NEGR1: variants seen among roughly 807,000 people sequenced by gnomAD.
NEGR1 encodes the protein IgLON family member 4.
A neutral mutation model predicts 40.9 loss-of-function variants in NEGR1; 10 were observed. The observed-to-expected ratio is 0.24, with a 90% confidence interval of 0.15 to 0.42. The LOEUF (loss-of-function observed/expected upper bound fraction) is 0.42. Among genes scored for constraint, NEGR1 ranks in the 10% least tolerant of loss-of-function variants. The pLI, the probability that NEGR1 is intolerant of heterozygous loss-of-function variation, is 1.00. For missense variants in NEGR1, 352 were observed against 438.9 expected, an observed-to-expected ratio of 0.80 and a Z score of 1.77; for synonymous variants, 185 against 166.8, an observed-to-expected ratio of 1.11 and a Z score of -0.84.
chr1:71,974,891 G>A (rs532605193), intron 1 of NEGR1, among the ~76,000 whole-genome samples: 7 of 152,074 alleles, frequency 4.6e-5, no homozygotes, highest in Non-Finnish European at 5.9e-5. Context: ...TAACTAACTC[G>A]AGAATAGCAC....
intron 2 of NEGR1, among the ~76,000 whole-genome samples, chr1:71,822,132 T>G (rs565334962): frequency 6.6e-6 from 1 of 151,920 alleles, no homozygotes; most frequent in Non-Finnish European, 1.5e-5. Context: ...GAGTGAGGGC[T>G]TTAGGCAGTG....
chr1:72,165,943 G>C (rs374360881), intron 1 of NEGR1, among the ~76,000 whole-genome samples: 15 of 152,062 alleles, frequency 9.9e-5, no homozygotes, highest in African/African-American at 3.6e-4. Flanking sequence ...GTCTGTCTTA[G>C]AACTCTTTGG....
At chr1:72,265,797 T>G (rs1553155090) in intron 1 of NEGR1, among the ~76,000 whole-genome samples, 2 of 150,864 alleles carry the variant, frequency 1.3e-5, no homozygotes, top group Admixed American at 1.3e-4. Flanking sequence ...ACTGTCATCA[T>G]TATCATAACA....
At chr1:71,529,278 A>G (rs2101441519) in intron 6 of NEGR1, among the ~76,000 whole-genome samples, 1 of 151,406 alleles carries the variant, frequency 6.6e-6, no homozygotes, top group East Asian at 1.9e-4. Flanking sequence ...CTAAGTGAAT[A>G]CTGGTAGGAC....
At chr1:71,716,004 C>T (rs559765891) in intron 3 of NEGR1, among the ~76,000 whole-genome samples, 1 of 152,214 alleles carries the variant, frequency 6.6e-6, no homozygotes, top group South Asian at 2.1e-4. Context: ...TAAAGAAATA[C>T]CGAAGACTGG....
chr1:71,662,380 T>C (rs1271553673), intron 4 of NEGR1, among the ~76,000 whole-genome samples: 2 of 152,204 alleles, frequency 1.3e-5, no homozygotes, highest in African/African-American at 2.4e-5. Context: ...TGGTTATGCA[T>C]GGAGAACGGA....
At chr1:72,255,146 A>G (rs1467290312) in intron 1 of NEGR1, among the ~76,000 whole-genome samples, 2 of 151,382 alleles carry the variant, frequency 1.3e-5, no homozygotes, top group African/African-American at 4.9e-5. Context: ...ATGAAAAATG[A>G]ACCTGTGAAC....
intron 6 of NEGR1, among the ~76,000 whole-genome samples, chr1:71,567,629 C>A (rs1283789005): frequency 1.3e-5 from 2 of 152,008 alleles, no homozygotes; most frequent in African/African-American, 4.8e-5. Flanking sequence ...CTGTGTTATT[C>A]ATTCTAGATT....
intron 1 of NEGR1, among the ~76,000 whole-genome samples, chr1:72,279,545 C>T (rs922690200): frequency 2.6e-5 from 4 of 152,140 alleles, no homozygotes; most frequent in Non-Finnish European, 4.4e-5. Flanking sequence ...TTGAGCACTT[C>T]ATTCATGTAT....
chr1:71,521,880 C>A (rs1647159779), intron 6 of NEGR1, among the ~76,000 whole-genome samples: 1 of 151,902 alleles, frequency 6.6e-6, no homozygotes, highest in Non-Finnish European at 1.5e-5. Context: ...ATTCTGCTGG[C>A]TGTGAAAAGC....
chr1:72,126,626 A>G (rs1029668127), intron 1 of NEGR1, among the ~76,000 whole-genome samples: 4 of 152,164 alleles, frequency 2.6e-5, no homozygotes, highest in African/African-American at 9.7e-5. Flanking sequence ...AAATGTTGGT[A>G]GTGTCAAGAA....
intron 6 of NEGR1, among the ~76,000 whole-genome samples, chr1:71,541,423 T>A (rs973477432): frequency 1.3e-5 from 2 of 151,610 alleles, no homozygotes; most frequent in Non-Finnish European, 3.0e-5. Flanking sequence ...AAACAAGTAA[T>A]GAAAAGGCAG....
intron 1 of NEGR1, among the ~76,000 whole-genome samples, chr1:72,161,615 T>C (rs1245546443): frequency 6.6e-6 from 1 of 151,866 alleles, no homozygotes; most frequent in East Asian, 1.9e-4. Context: ...ATTTTACCTA[T>C]CTGTGTTTTG....
At chr1:71,446,196 T>C (rs1646581784) in intron 6 of NEGR1, among the ~76,000 whole-genome samples, 2 of 152,172 alleles carry the variant, frequency 1.3e-5, no homozygotes, top group South Asian at 4.1e-4. Flanking sequence ...TTGCCTCATT[T>C]GAGACGAACT....
At chr1:72,073,435 C>T (rs1386898741) in intron 1 of NEGR1, among the ~76,000 whole-genome samples, 4 of 152,026 alleles carry the variant, frequency 2.6e-5, no homozygotes, top group Non-Finnish European at 2.9e-5. Context: ...TATTATCTCT[C>T]TATGTATCTG....
intron 1 of NEGR1, among the ~76,000 whole-genome samples, chr1:72,133,440 T>C (rs918859026): frequency 3.3e-5 from 5 of 152,042 alleles, no homozygotes; most frequent in Non-Finnish European, 5.9e-5. Flanking sequence ...TAGGAAAAAC[T>C]ATTTTGTTCT....
At chr1:71,955,836 G>A (rs2768394) in intron 1 of NEGR1, among the ~76,000 whole-genome samples, 45,814 of 151,926 alleles carry the variant, frequency 0.3, 7,793 homozygotes, top group African/African-American at 0.47. Flanking sequence ...AAGTTTTCAC[G>A]GACCATTCTG....
At chr1:72,267,272 T>C (rs901989406) in intron 1 of NEGR1, among the ~76,000 whole-genome samples, 1 of 151,114 alleles carries the variant, frequency 6.6e-6, no homozygotes, top group Non-Finnish European at 1.5e-5. Flanking sequence ...ACAATGCATA[T>C]GTAATTTTAA....
At chr1:71,738,883 G>A (rs1330843011) in intron 3 of NEGR1, among the ~76,000 whole-genome samples, 1 of 151,932 alleles carries the variant, frequency 6.6e-6, no homozygotes, top group Non-Finnish European at 1.5e-5. Flanking sequence ...TAACAATAAA[G>A]AAAGAGAAAA....
Sources: gnomAD v4.1 joint callset for allele counts (sites outside exome capture counted in the v4.1 genomes callset) on GRCh38, gnomAD v4.1.1 for gene constraint, MANE v1.5 for transcripts, NCBI Gene and HGNC (gene_info 2026-07-23, HGNC 2026-07-21) for gene names.